Variants in IL1RAPL1 observed in about 807,000 individuals in gnomAD.
IL1RAPL1 encodes interleukin-1 receptor accessory protein-like 1.
Under a neutral mutation model 48.4 loss-of-function variants are expected in IL1RAPL1, and 3 were observed. The observed-to-expected ratio is 0.06, with a 90% CI of 0.03 to 0.16. The LOEUF is 0.16. Among genes scored for constraint, IL1RAPL1 ranks in the 10% least tolerant of loss-of-function variants. The pLI is 1.00. For missense variants in IL1RAPL1, 349 were observed against 530.6 expected, an observed-to-expected ratio of 0.66 and a Z score of 3.36; for synonymous variants, 185 against 187.7, an observed-to-expected ratio of 0.99 and a Z score of 0.12.
At chrX:28,946,309 T>C (rs1248709648) in intron 2 of IL1RAPL1, among the ~76,000 whole-genome samples, 1 of 103,843 alleles carries the variant, frequency 9.6e-6, no homozygotes, top group Non-Finnish European at 2.0e-5. Context: ...GCAAAACTCT[T>C]TGTGTGTGGT....
intron 1 of IL1RAPL1, among the ~76,000 whole-genome samples, chrX:28,603,729 G>T (rs181552908): frequency 1.8e-5 from 2 of 112,177 alleles, no homozygotes; most frequent in African/African-American, 6.5e-5. Context: ...AGGTGTCCTG[G>T]TCTAAGCAAG....
At chrX:28,704,832 A>C (rs956446619) in intron 1 of IL1RAPL1, among the ~76,000 whole-genome samples, 2 of 44,979 alleles carry the variant, frequency 4.4e-5, no homozygotes, top group African/African-American at 1.7e-4. Context: ...ACACACACAC[A>C]AAAAAAAAAA....
chrX:28,984,033 A>C (rs1459986900), intron 2 of IL1RAPL1, among the ~76,000 whole-genome samples: 2 of 111,504 alleles, frequency 1.8e-5, no homozygotes, highest in African/African-American at 6.5e-5. Flanking sequence ...AGGACCAAAA[A>C]CATTGGAATA....
At chrX:29,024,565 ATAAATT>A (rs1241186262) in intron 2 of IL1RAPL1, among the ~76,000 whole-genome samples, 1 of 112,277 alleles carries the variant, frequency 8.9e-6, no homozygotes, top group Non-Finnish European at 1.9e-5. Flanking sequence ...AAATGTAATG[ATAAATT>A]TAAAGTAATT....
At chrX:29,620,576 A>C (rs963163920) in intron 5 of IL1RAPL1, among the ~76,000 whole-genome samples, 3 of 112,205 alleles carry the variant, frequency 2.7e-5, no homozygotes, top group African/African-American at 6.5e-5. Flanking sequence ...AAAATGTTTT[A>C]AAATACTGCA....
rs201146162 is a variant in IL1RAPL1, at chrX:29,456,062, T to TA, written c.703+56764dup. Among the ~76,000 whole-genome samples the TA allele has an allele frequency of 3.1e-3, 326 of 106,374 alleles. 2 individuals carry two copies. Among genetic ancestry groups the TA allele is most frequent in the African/African-American group, 0.01 (302 of 29,417 alleles). The allele number at this position is 106,374 out of a possible 115,157, so 92.4% of individuals were successfully genotyped here. On this transcript the variant is annotated intron_variant, in intron 5 of 10. Coordinates refer to ENST00000378993, the MANE Select transcript of IL1RAPL1 (RefSeq NM_014271.4). ...AAATATTTTTTTCCTTTTAGAAAATTAAAAAAAAAACTGATATGAAATTTC... is the reference window on the plus strand; with the variant it reads ...AAATATTTTTTTCCTTTTAGAAAATTAAAAAAAAAAACTGATATGAAATTTC...
chrX:29,170,334 G>GA (rs1267179349), intron 2 of IL1RAPL1, among the ~76,000 whole-genome samples: 2 of 111,246 alleles, frequency 1.8e-5, no homozygotes, highest in African/African-American at 6.5e-5. Flanking sequence ...TTATCTGAAG[G>GA]AAAAATAGTA....
intron 2 of IL1RAPL1, among the ~76,000 whole-genome samples, chrX:29,109,474 T>G (rs192039032): frequency 9.0e-6 from 1 of 111,025 alleles, no homozygotes; most frequent in Non-Finnish European, 1.9e-5. Context: ...AAGTCTCCCT[T>G]ATTTTATTTT....
At chrX:29,631,551 G>A (rs1274506183) in intron 5 of IL1RAPL1, among the ~76,000 whole-genome samples, 1 of 112,011 alleles carries the variant, frequency 8.9e-6, no homozygotes, top group Non-Finnish European at 1.9e-5. Context: ...CAAAGTTCTG[G>A]GATTACAGGC....
intron 6 of IL1RAPL1, among the ~76,000 whole-genome samples, chrX:29,772,252 T>TA (rs67864442): frequency 0.072 from 6,838 of 95,018 alleles, 685 homozygotes; most frequent in African/African-American, 0.25. Flanking sequence ...CCCTGTTTCT[T>TA]AAAAAAAAAA....
intron 2 of IL1RAPL1, among the ~76,000 whole-genome samples, chrX:29,058,238 G>T (rs187461191): frequency 1.8e-5 from 2 of 110,464 alleles, no homozygotes; most frequent in South Asian, 3.9e-4. Context: ...TTAGCTGGGC[G>T]TGGTGGCACA....
At chrX:29,923,672 T>G (rs750154784) in intron 8 of IL1RAPL1, among the ~76,000 whole-genome samples, 1 of 112,525 alleles carries the variant, frequency 8.9e-6, no homozygotes, top group South Asian at 3.7e-4. Context: ...CTTTGAATCT[T>G]TTACCCAGAT....
At chrX:29,069,275 C>T (rs917682141) in intron 2 of IL1RAPL1, among the ~76,000 whole-genome samples, 1 of 111,329 alleles carries the variant, frequency 9.0e-6, no homozygotes, top group African/African-American at 3.3e-5. Flanking sequence ...TATCTACTAC[C>T]GACATGCTGT....
chrX:28,947,832 A>G (rs1312326172), intron 2 of IL1RAPL1, among the ~76,000 whole-genome samples: 1 of 112,030 alleles, frequency 8.9e-6, no homozygotes, highest in African/African-American at 3.2e-5. Context: ...TGGAAATTTT[A>G]TATTTGTTTT....
chrX:29,683,874 T>TA (rs985797659), intron 6 of IL1RAPL1, among the ~76,000 whole-genome samples: 4 of 112,411 alleles, frequency 3.6e-5, no homozygotes, highest in African/African-American at 1.3e-4. Flanking sequence ...AAAATGCCTT[T>TA]ATACTATTGC....
intron 6 of IL1RAPL1, among the ~76,000 whole-genome samples, chrX:29,824,009 C>G (rs748346543): frequency 4.5e-5 from 5 of 111,618 alleles, no homozygotes; most frequent in African/African-American, 1.6e-4. Context: ...TACCCATGTC[C>G]TTATGCCTGC....
At chrX:29,238,354 T>A (rs944489791) in intron 2 of IL1RAPL1, among the ~76,000 whole-genome samples, 1 of 112,278 alleles carries the variant, frequency 8.9e-6, no homozygotes, top group Non-Finnish European at 1.9e-5. Context: ...TTGATGGTTT[T>A]AGTTAGCTAC....
intron 6 of IL1RAPL1, among the ~76,000 whole-genome samples, chrX:29,875,028 C>G (rs774522677): frequency 8.9e-6 from 1 of 111,964 alleles, no homozygotes; most frequent in East Asian, 2.8e-4. Flanking sequence ...TTACCACCCC[C>G]ACACATACAC....
At chrX:29,743,105 T>G (rs1399031355) in intron 6 of IL1RAPL1, among the ~76,000 whole-genome samples, 1 of 109,201 alleles carries the variant, frequency 9.2e-6, no homozygotes, top group Non-Finnish European at 1.9e-5. Flanking sequence ...GAAGTTAATA[T>G]AAACTAATAT....
Sources: allele counts gnomAD v4.1 joint callset (sites outside exome capture counted in the v4.1 genomes callset), GRCh38; gene constraint gnomAD v4.1.1; transcripts MANE v1.5; gene names NCBI Gene and HGNC (gene_info 2026-07-23, HGNC 2026-07-21).